Variants in SCARB2 observed in about 807,000 individuals in gnomAD.
The protein encoded by SCARB2 is scavenger receptor class B member 2.
In SCARB2, 29 loss-of-function variants were observed where a neutral mutation model predicts 58.6. That is an observed-to-expected ratio of 0.49 (90% CI 0.37 to 0.67). The LOEUF (loss-of-function observed/expected upper bound fraction) is 0.67. SCARB2 is among the 30% of genes least tolerant of loss of function. The probability of loss-of-function intolerance (pLI) is 0.00; values close to 1 mark genes in which losing one functional copy is unlikely to be tolerated. For synonymous variants in SCARB2, 195 were observed against 210.1 expected (o/e 0.93, Z 0.62); for missense variants, 488 against 578.5 (o/e 0.84, Z 1.60).
chr4:76,197,352 GT>G lies in SCARB2; in HGVS notation c.118-1489del, dbSNP rs566580081. Among the ~76,000 whole-genome samples the G allele has an allele frequency of 7.2e-5, 11 of 152,342 alleles. No individual in the cohort carries two copies. In the South Asian group the frequency reaches 2.1e-3, roughly 29 times the overall value. On this transcript the variant is annotated intron_variant, in intron 1 of 11. Transcript: ENST00000264896. ...GCTAAGGCCTTAAGATGCATGGCAA[GT>G]TTCTATCTGCCACCTTGAAGTTGCC...
intron 10 of SCARB2, 194 bp from the exon 11 acceptor site, chr4:76,163,577 G>A: frequency 3.2e-6 from 2 of 628,214 alleles, no homozygotes; most frequent in South Asian, 4.0e-5. Flanking sequence ...TTCTCCTGAA[G>A]ACATTTTTTT....
At chr4:76,206,086 A>T (rs1404301112) in intron 1 of SCARB2, among the ~76,000 whole-genome samples, 1 of 152,090 alleles carries the variant, frequency 6.6e-6, no homozygotes, top group African/African-American at 2.4e-5. Flanking sequence ...CTCGAATGGG[A>T]TTAGTTCTCA....
chr4:76,219,114 T>G (rs1003369233), intron 1 of SCARB2, among the ~76,000 whole-genome samples: 3 of 152,174 alleles, frequency 2.0e-5, no homozygotes, highest in African/African-American at 7.2e-5. Flanking sequence ...TCTGGCCTCA[T>G]GCTTATTAAG....
chr4:76,233,268 C>T (rs36121867), intron 1 of SCARB2, among the ~76,000 whole-genome samples: 22,824 of 152,026 alleles, frequency 0.15, 2,046 homozygotes, highest in East Asian at 0.35. Context: ...GTGGTTAGTT[C>T]CATGTGTCCC....
intron 10 of SCARB2, 92 bp from the exon 11 acceptor site, chr4:76,163,475 G>C: frequency 7.1e-7 from 1 of 1,414,650 alleles, no homozygotes; most frequent in Non-Finnish European, 9.9e-7. Context: ...ATACAATTTG[G>C]GAATGTCCTC....
Position 76,195,742 on chromosome 4 carries a change from G to A in SCARB2, c.240C>T (p.Thr80=), listed in dbSNP as rs751250189. 1 of 1,613,950 alleles carries A rather than the reference G, an allele frequency of 6.2e-7. No individual in the cohort carries two copies. The highest frequency in any genetic ancestry group is 8.5e-7 in the Non-Finnish European group (1 of 1,179,934). The change falls in exon 2 of 12, where the codon ACC becomes ACT. Residue 80 remains threonine, a synonymous_variant. Transcript: ENST00000264896. ...ATGGCCCCACTTCTTCCACCCGAGGGGTCTCCCCTCTGAGGATCTCCTCTG... is the reference window on the plus strand; with the variant it reads ...ATGGCCCCACTTCTTCCACCCGAGGAGTCTCCCCTCTGAGGATCTCCTCTG... ...TNPEEILRGE[T]PRVEEVGPYT...
At chr4:76,222,222 A>T in intron 1 of SCARB2, among the ~76,000 whole-genome samples, 1 of 149,438 alleles carries the variant, frequency 6.7e-6, no homozygotes, top group Non-Finnish European at 1.5e-5. Context: ...CATATTTCCT[A>T]TCTTCTTTTT....
At chr4:76,174,578 T>C (rs956043710) in intron 6 of SCARB2, 3 of 428,164 alleles carry the variant, frequency 7.0e-6, no homozygotes, top group African/African-American at 4.0e-5. Context: ...TGATAACATT[T>C]AGAATGGAGA....
At chr4:76,223,166 A>G (rs1480680871) in intron 1 of SCARB2, among the ~76,000 whole-genome samples, 4 of 152,242 alleles carry the variant, frequency 2.6e-5, no homozygotes, top group Admixed American at 1.3e-4. Flanking sequence ...ACAGTCCTCC[A>G]GGTGTTAATG....
chr4:76,173,636 C>T (rs983431690), intron 7 of SCARB2: 2 of 169,314 alleles, frequency 1.2e-5, no homozygotes, highest in Non-Finnish European at 2.6e-5. Flanking sequence ...CCGTGCCCAG[C>T]CTTAGCATTG....
chr4:76,173,981 A>G (rs1732189554), intron 7 of SCARB2, 163 bp downstream of exon 7: 1 of 778,262 alleles, frequency 1.3e-6, no homozygotes, highest in African/African-American at 1.7e-5. Flanking sequence ...GTTGCCCAGG[A>G]TGGACTTGAG....
At position 76,213,719 on chromosome 4, in the gene SCARB2, CCCGGGTGCA is replaced by C; in HGVS notation, c.-185_-177del. The C allele has an allele frequency of 2.0e-6, 1 of 510,886 alleles. No individual in the cohort carries two copies. Among genetic ancestry groups the C allele is most frequent in the Non-Finnish European group, 3.4e-6 (1 of 293,170 alleles). The allele number at this position is 510,886 out of a possible 1,614,324, so 31.6% of individuals were successfully genotyped here. A position where few individuals can be genotyped will look rare whatever the true frequency, so the allele number is the denominator to read the frequency against. ...GGCTCCGCGGCCTGGCGAGCGCGGC[CCCGGGTGCA>C]CCGGGCGGATGGGGCCGCGGAGGGA... On this transcript the variant is annotated 5_prime_UTR_variant, in exon 1 of 12. Coordinates refer to ENST00000264896, the MANE Select transcript of SCARB2 (RefSeq NM_005506.4).
chr4:76,227,771 A>G (rs557193781), intron 1 of SCARB2, among the ~76,000 whole-genome samples: 2 of 152,326 alleles, frequency 1.3e-5, no homozygotes, highest in East Asian at 1.9e-4. Context: ...TCTTGTCACT[A>G]TATAATGTGC....
At chr4:76,167,679 C>A (rs1242349389) in intron 9 of SCARB2, among the ~76,000 whole-genome samples, 1 of 123,724 alleles carries the variant, frequency 8.1e-6, no homozygotes, top group Admixed American at 7.7e-5. Flanking sequence ...CCCTCCCCCC[C>A]CCCGCTTTTT....
At chr4:76,173,388 C>T (rs1550556) in intron 7 of SCARB2, 23,617 of 151,298 alleles carry the variant, frequency 0.16, 2,900 homozygotes, top group African/African-American at 0.34. Flanking sequence ...TGGAGTGCAG[C>T]AGCACAATCA....
At chr4:76,175,582 G>A (rs1732235912) in intron 6 of SCARB2, 1 of 610,260 alleles carries the variant, frequency 1.6e-6, no homozygotes, top group Non-Finnish European at 2.8e-6. Flanking sequence ...ACAGCTATAA[G>A]TGGTAGAGCC....
intron 1 of SCARB2, among the ~76,000 whole-genome samples, chr4:76,221,233 G>A (rs1246404762): frequency 6.6e-6 from 1 of 152,112 alleles, no homozygotes; most frequent in Non-Finnish European, 1.5e-5. Context: ...CTTCACTAAT[G>A]GTAAGCTTGG....
chr4:76,208,751 T>C (rs977122949), intron 1 of SCARB2, among the ~76,000 whole-genome samples: 3 of 152,144 alleles, frequency 2.0e-5, no homozygotes, highest in Admixed American at 6.5e-5. Context: ...AAAAAAAGAA[T>C]CCTCTCTTGC....
chr4:76,196,589 G>C (rs971671540), intron 1 of SCARB2, among the ~76,000 whole-genome samples: 2 of 152,186 alleles, frequency 1.3e-5, no homozygotes, highest in African/African-American at 4.8e-5. Context: ...AGAATAACAA[G>C]GGGAAGGGCC....
Sources: gnomAD v4.1 joint callset for allele counts (sites outside exome capture counted in the v4.1 genomes callset) on GRCh38, gnomAD v4.1.1 for gene constraint, MANE v1.5 for transcripts, NCBI Gene and HGNC (gene_info 2026-07-23, HGNC 2026-07-21) for gene names.